The following DNAH3 variants were observed in gnomAD, a reference collection of about 807,000 sequenced individuals.
DNAH3 encodes the protein axonemal beta dynein heavy chain 3.
DNAH3 carries 332 observed loss-of-function variants against 432.5 expected under a neutral mutation model. The observed-to-expected ratio is 0.77, with a 90% CI of 0.70 to 0.84. The LOEUF (loss-of-function observed/expected upper bound fraction) is 0.84. Among genes scored for constraint, DNAH3 ranks in the 40% least tolerant of loss-of-function variants. DNAH3 has a pLI of 0.00. For synonymous variants in DNAH3, 1,956 were observed against 1,900.2 expected (o/e 1.03, Z -0.76); for missense variants, 4,861 against 5,114.0 (o/e 0.95, Z 1.51).
At chr16:21,156,715 C>T (rs1326095216) in intron 1 of DNAH3, among the ~76,000 whole-genome samples, 2 of 152,028 alleles carry the variant, frequency 1.3e-5, no homozygotes, top group African/African-American at 4.8e-5. Flanking sequence ...TTAACCCAAC[C>T]ACTGCATGTT....
At chr16:21,077,006 T>C (rs2090998343) in intron 20 of DNAH3, among the ~76,000 whole-genome samples, 1 of 152,158 alleles carries the variant, frequency 6.6e-6, no homozygotes, top group South Asian at 2.1e-4. Flanking sequence ...CCCCATCTTT[T>C]GCCAGTCATG....
chr16:20,966,423 C>G (rs1248373961), intron 52 of DNAH3, among the ~76,000 whole-genome samples: 1 of 152,092 alleles, frequency 6.6e-6, no homozygotes, highest in Non-Finnish European at 1.5e-5. Context: ...AAAGCCATTG[C>G]CATATAGAGG....
chr16:21,093,372 G>C (rs555091517), intron 18 of DNAH3, among the ~76,000 whole-genome samples: 1 of 152,236 alleles, frequency 6.6e-6, no homozygotes, highest in African/African-American at 2.4e-5. Context: ...AACAAAACAT[G>C]CATAGGAGCT....
chr16:20,975,557 T>C (rs1597020487), intron 50 of DNAH3, 142 bp from the exon 51 acceptor site: 7 of 800,922 alleles, frequency 8.7e-6, no homozygotes, highest in Middle Eastern at 3.3e-4. Flanking sequence ...TACAGATTCG[T>C]TTCCTAGTGA....
intron 7 of DNAH3, among the ~76,000 whole-genome samples, chr16:21,129,792 A>C (rs199877630): frequency 9.7e-5 from 14 of 144,990 alleles, no homozygotes; most frequent in African/African-American, 3.6e-4. Context: ...ATTAGTGGAC[A>C]GGGGTAGCGG....
chr16:21,155,621 C>CAAAAAA (rs369001374), intron 1 of DNAH3, among the ~76,000 whole-genome samples: 1 of 76,758 alleles, frequency 1.3e-5, no homozygotes, highest in Non-Finnish European at 2.4e-5. Context: ...GACTCCGTCT[C>CAAAAAA]AAAAAAAAAA....
Position 20,987,460 on chromosome 16 carries a change from G to A in DNAH3, c.6883-12C>T, listed in dbSNP as rs1002734930. ...CATTTTTCTACATCCTAAAAATCCA[G>A]AGTTAATTATTCAAACGAGTGGAAG... On this transcript the variant is annotated splice_polypyrimidine_tract_variant and intron_variant, in intron 46 of 61. Coordinates refer to ENST00000261383, the Ensembl canonical transcript of DNAH3. 6.2e-7 allele frequency: 1 copy of A among 1,613,818 alleles called. No individual in the cohort carries two copies.
chr16:21,122,506 C>T (rs945054128), intron 9 of DNAH3, among the ~76,000 whole-genome samples: 35 of 152,112 alleles, frequency 2.3e-4, no homozygotes, highest in African/African-American at 8.2e-4. Flanking sequence ...GCAGTGAGAT[C>T]ACGCCGTTAC....
rs75680354 is a variant in DNAH3 at position 21,070,633 on chromosome 16, G to A, written c.3201+77C>T. ...AAGTGACTTTCTTTGTTAACTGAAC[G>A]TGAAAACCTTTCCCCTCCTCTGAGA... On this transcript the variant is annotated intron_variant, in intron 22 of 61. Transcript: ENST00000261383. The A allele has an allele frequency of 5.6e-3, 4,833 of 867,382 alleles. 162 individuals carry two copies. In the African/African-American group the frequency reaches 0.07, roughly 13 times the overall value. 53.7% of individuals were successfully genotyped at this position (867,382 alleles called of 1,614,324 possible).
chr16:21,114,771 GA>G (rs1464629929), intron 12 of DNAH3, among the ~76,000 whole-genome samples: 1 of 152,150 alleles, frequency 6.6e-6, no homozygotes, highest in Non-Finnish European at 1.5e-5. Flanking sequence ...GGAGAAATAG[GA>G]ACACTTTTAC....
At chr16:21,019,925 G>T in intron 40 of DNAH3, 56 bp from the exon 41 acceptor site, 1 of 1,585,748 alleles carries the variant, frequency 6.3e-7, no homozygotes, top group Non-Finnish European at 8.6e-7. Flanking sequence ...CAGATGTAAG[G>T]GCTGTGAACT....
intron 52 of DNAH3, among the ~76,000 whole-genome samples, chr16:20,967,434 C>T (rs2085110712): frequency 6.7e-6 from 1 of 150,200 alleles, no homozygotes; most frequent in South Asian, 2.1e-4. Context: ...TCCTAATGCT[C>T]AGGCTGCATC....
At chr16:21,096,668 T>C (rs1268827637) in intron 18 of DNAH3, among the ~76,000 whole-genome samples, 1 of 152,186 alleles carries the variant, frequency 6.6e-6, no homozygotes, top group Non-Finnish European at 1.5e-5. Flanking sequence ...TTGTTTGTTT[T>C]GTTTTGTTTT....
intron 2 of DNAH3, 101 bp from the exon 4 acceptor site, chr16:21,145,507 T>C: frequency 2.0e-6 from 2 of 1,024,710 alleles, no homozygotes; most frequent in Non-Finnish European, 3.0e-6. Flanking sequence ...AAGTGCCTTA[T>C]GCTATGTTTC....
chr16:20,952,635 T>C lies in DNAH3; in HGVS notation c.11072-86A>G, dbSNP rs1265464022. ...ACCAAGCCGAGGGAGTTAAGCATCA[T>C]TATGGATCAAAAGCCTCTTTCAGGC... On this transcript the variant is annotated intron_variant, in intron 55 of 61. Transcript: ENST00000261383. 4.6e-6 allele frequency: 4 copies of C among 862,548 alleles called. No individual in the cohort carries two copies. The Admixed American group carries it at 7.1e-5, about 15-fold the overall frequency. The allele number at this position is 862,548 out of a possible 1,614,324, so 53.4% of individuals were successfully genotyped here. A position where few individuals can be genotyped will look rare whatever the true frequency, so the allele number is the denominator to read the frequency against.
chr16:20,937,068 G>A (rs1379239632), intron 59 of DNAH3, among the ~76,000 whole-genome samples: 1 of 152,188 alleles, frequency 6.6e-6, no homozygotes, highest in Admixed American at 6.5e-5. Context: ...TTTTTAATGA[G>A]ATCATACTAT....
chr16:20,980,425 T>A (rs1223401048), intron 49 of DNAH3, among the ~76,000 whole-genome samples: 1 of 147,452 alleles, frequency 6.8e-6, no homozygotes, highest in East Asian at 2.0e-4. Flanking sequence ...CAGGCTGGAG[T>A]GCAGTGGCAC....
At chr16:21,020,006 A>G (rs1001721407) in intron 40 of DNAH3, 137 bp from the exon 41 acceptor site, 2 of 921,310 alleles carry the variant, frequency 2.2e-6, no homozygotes, top group Non-Finnish European at 1.6e-6. Context: ...ATCACCTACC[A>G]GATCATTTCA....
chr16:21,091,201 TA>T (rs2091524938), intron 18 of DNAH3, among the ~76,000 whole-genome samples: 1 of 152,092 alleles, frequency 6.6e-6, no homozygotes, highest in Non-Finnish European at 1.5e-5. Context: ...TCTTAAAGAA[TA>T]GATTATAAAT....
Sources: allele counts gnomAD v4.1 joint callset (sites outside exome capture counted in the v4.1 genomes callset), GRCh38; gene constraint gnomAD v4.1.1; transcripts MANE v1.5; gene names NCBI Gene and HGNC (gene_info 2026-07-23, HGNC 2026-07-21).